MYO18B: variants seen among roughly 807,000 people sequenced by gnomAD.
MYO18B encodes the protein myosin XVIIIB.
MYO18B carries 204 observed loss-of-function variants against 273.0 expected under a neutral mutation model. The ratio of observed to expected loss-of-function variants is 0.75; its 90% CI spans 0.67 to 0.84. The LOEUF is 0.84. MYO18B is among the 40% of genes least tolerant of loss of function. The pLI is 0.00. For synonymous variants in MYO18B, 1,330 were observed against 1,305.7 expected (o/e 1.02, Z -0.40); for missense variants, 3,212 against 3,287.6 (o/e 0.98, Z 0.56).
At chr22:25,992,105 G>A (rs1371692684) in intron 39 of MYO18B, among the ~76,000 whole-genome samples, 1 of 152,208 alleles carries the variant, frequency 6.6e-6, no homozygotes, top group African/African-American at 2.4e-5. Flanking sequence ...TGCATTGGGA[G>A]CAGCACCCCC....
chr22:26,044,168 T>C, the MYO18B span, among the ~76,000 whole-genome samples: 1 of 152,236 alleles, frequency 6.6e-6, no homozygotes. Flanking sequence ...GTTTTGTTAA[T>C]TGAGTTGCTT....
At chr22:25,871,338 G>A (rs2091039399) in intron 22 of MYO18B, among the ~76,000 whole-genome samples, 1 of 152,176 alleles carries the variant, frequency 6.6e-6, no homozygotes, top group Non-Finnish European at 1.5e-5. Context: ...AACAGGGGGT[G>A]GCTGTCACTA....
At position 25,851,557 on chromosome 22, in the gene MYO18B, C is replaced by T. The variant is rs1486988009; in HGVS notation, c.3863C>T (p.Ser1288Phe). The T allele has an allele frequency of 6.4e-7, 1 of 1,558,248 alleles. No individual in the cohort carries two copies. Among genetic ancestry groups the T allele is most frequent in the Non-Finnish European group, 8.7e-7 (1 of 1,150,686 alleles). ...CTCCTGAAGAAGCTCATGTCGACCT[C>T]CGAGGGAATAGATGAAAGGAAGGTA... ...APLLKKLMST[S>F]EGIDERKAVE... is the part of the protein sequence containing the mutation. Residue 1288 changes from serine (S) to phenylalanine (F), a missense_variant, in exon 21 of 44, where the codon TCC (serine) becomes TTC (phenylalanine). Physicochemically the swap from Ser to Phe is radical, Grantham distance 155. Coordinates refer to ENST00000335473, the MANE Select transcript of MYO18B (RefSeq NM_032608.7).
intron 12 of MYO18B, among the ~76,000 whole-genome samples, chr22:25,808,836 C>G (rs1013129732): frequency 2.0e-5 from 3 of 152,114 alleles, no homozygotes; most frequent in African/African-American, 7.2e-5. Context: ...CATTATTGAA[C>G]TTGAGTATTT....
At chr22:25,760,407 A>T (rs1271189110) in intron 1 of MYO18B, among the ~76,000 whole-genome samples, 6 of 86,016 alleles carry the variant, frequency 7.0e-5, no homozygotes, top group African/African-American at 2.9e-4. Flanking sequence ...GCAAGACTCC[A>T]TCTCAAAAAA....
At chr22:25,966,564 G>C (rs1003165611) in intron 39 of MYO18B, among the ~76,000 whole-genome samples, 10 of 152,200 alleles carry the variant, frequency 6.6e-5, no homozygotes, top group African/African-American at 2.4e-4. Context: ...CCTAATTACT[G>C]CCCCGTTATC....
At chr22:25,814,316 T>C (rs2088905748) in intron 12 of MYO18B, among the ~76,000 whole-genome samples, 1 of 110,622 alleles carries the variant, frequency 9.0e-6, no homozygotes, top group Non-Finnish European at 1.7e-5. Context: ...TTTTTTTTTT[T>C]TTTTTTTTTT....
chr22:25,792,524 C>A (rs1336648656), intron 11 of MYO18B, among the ~76,000 whole-genome samples: 1 of 111,356 alleles, frequency 9.0e-6, no homozygotes, highest in Non-Finnish European at 1.7e-5. Context: ...GAGACAGAGT[C>A]TGGCTCTGTG....
At chr22:25,963,968 A>T (rs2092948534) in intron 39 of MYO18B, 1 of 152,130 alleles carries the variant, frequency 6.6e-6, no homozygotes. Flanking sequence ...CCGTGAGTGG[A>T]TGGCAGTGAT....
At chr22:25,813,039 TCTC>T (rs1416159399) in intron 12 of MYO18B, among the ~76,000 whole-genome samples, 2 of 150,674 alleles carry the variant, frequency 1.3e-5, no homozygotes, top group Non-Finnish European at 1.5e-5. Flanking sequence ...TTCTTTCTCA[TCTC>T]CTTCTCTCTT....
chr22:25,867,619 A>ATCTCTTTC (rs2090925673), intron 21 of MYO18B, among the ~76,000 whole-genome samples: 1 of 150,672 alleles, frequency 6.6e-6, no homozygotes, highest in Non-Finnish European at 1.5e-5. Flanking sequence ...CAAGACCCTG[A>ATCTCTTTC]TTTCTTTCTT....
At chr22:26,050,880 G>T in the MYO18B span, among the ~76,000 whole-genome samples, 5 of 152,164 alleles carry the variant, frequency 3.3e-5, no homozygotes, top group Non-Finnish European at 7.4e-5. Context: ...CTATTTGTAG[G>T]ATAAAAGGTT....
In MYO18B at chr22:25,763,266, G is replaced by A. The variant is rs780146591; in HGVS notation, c.75G>A (p.Ser25=). 105 of 1,611,000 alleles carry A rather than the reference G, an allele frequency of 6.5e-5. No individual in the cohort carries two copies. Among genetic ancestry groups the A allele is most frequent in the South Asian group, 2.9e-4 (26 of 90,902 alleles). ...REEDKSPPPS[S]PPPLFSVIPG... The stretch of plus-strand genomic sequence containing the variant: ...AGGACAAGAGCCCTCCACCATCCTC[G>A]CCCCCTCCTCTTTTCTCTGTCATCC... Residue 25 remains serine, a synonymous_variant, in exon 3 of 44, where the codon TCG becomes TCA. Transcript: ENST00000335473.
chr22:25,931,695 T>C (rs1185720672), intron 34 of MYO18B, among the ~76,000 whole-genome samples: 2 of 148,550 alleles, frequency 1.3e-5, no homozygotes, highest in Non-Finnish European at 3.0e-5. Context: ...TTTTTTTTTT[T>C]TTTTTGAGAC....
At position 25,792,502 on chromosome 22, in the gene MYO18B, T is replaced by TC. The variant is rs1452180777; in HGVS notation, c.2377-5451_2377-5450insC. On this transcript the variant is annotated intron_variant, in intron 11 of 43. Transcript: ENST00000335473. ...GTTTCTTTTTTTTTTCTTTTCTTTT[T>TC]TTTTTTTTTTTGAGACAGAGTCTGG... Among the ~76,000 whole-genome samples the TC allele has an allele frequency of 2.3e-5, 3 of 130,946 alleles. No homozygotes were observed. In the Admixed American group the frequency reaches 2.4e-4, roughly 10 times the overall value. The allele number at this position is 130,946 out of a possible 152,430, so 85.9% of individuals were successfully genotyped here.
chr22:25,825,449 G>A (rs959295730), intron 13 of MYO18B, among the ~76,000 whole-genome samples: 82 of 152,094 alleles, frequency 5.4e-4, no homozygotes, highest in African/African-American at 1.9e-3. Context: ...GACGGAATTT[G>A]TGATCTGATC....
chr22:26,004,910 C>A, intron 42 of MYO18B, 55 bp downstream of exon 42: 3 of 1,600,118 alleles, frequency 1.9e-6, no homozygotes, highest in Non-Finnish European at 2.6e-6. Flanking sequence ...GAATCTCAGA[C>A]TTTGAAAGTT....
At chr22:25,914,686 CTTTTTT>C (rs3070566) in intron 33 of MYO18B, among the ~76,000 whole-genome samples, 76 of 50,830 alleles carry the variant, frequency 1.5e-3, no homozygotes, top group African/African-American at 6.1e-3. Flanking sequence ...AGTTTTGACT[CTTTTTT>C]TTTTTTTTTT....
chr22:25,791,755 GC>G, intron 11 of MYO18B, among the ~76,000 whole-genome samples: 1 of 152,308 alleles, frequency 6.6e-6, no homozygotes, highest in Middle Eastern at 3.4e-3. Context: ...AGGGAATGGT[GC>G]CCAAATGGAA....
Sources: allele counts gnomAD v4.1 joint callset (sites outside exome capture counted in the v4.1 genomes callset), GRCh38; gene constraint gnomAD v4.1.1; transcripts MANE v1.5; gene names NCBI Gene and HGNC (gene_info 2026-07-23, HGNC 2026-07-21).